Variants in PLAAT1 observed in about 807,000 individuals in gnomAD.
PLAAT1 encodes the protein phospholipase A and acyltransferase 1.
PLAAT1 carries 13 observed loss-of-function variants against 16.4 expected under a neutral mutation model. The observed-to-expected ratio is 0.79, with a 90% CI of 0.52 to 1.26. The LOEUF is 1.26. Ranked by LOEUF, PLAAT1 falls within the 50% of genes most tolerant of loss-of-function variation. PLAAT1 has a pLI of 0.00. For missense variants in PLAAT1, 218 were observed against 207.8 expected (o/e 1.05, Z -0.30); for synonymous variants, 73 against 78.4 (o/e 0.93, Z 0.36).
intron 1 of PLAAT1, among the ~76,000 whole-genome samples, chr3:193,242,067 C>G (rs1042857920): frequency 2.6e-5 from 4 of 152,006 alleles, no homozygotes; most frequent in African/African-American, 9.7e-5. Context: ...TTGAATGCCG[C>G]CCAACACAAA....
chr3:193,268,409 G>A (rs912574109), intron 3 of PLAAT1, among the ~76,000 whole-genome samples: 1 of 152,154 alleles, frequency 6.6e-6, no homozygotes, highest in African/African-American at 2.4e-5. Flanking sequence ...GTTTCATTAG[G>A]CCAGGTACAG....
downstream of PLAAT1, chr3:193,270,970 C>A: frequency 2.0e-6 from 1 of 498,472 alleles, no homozygotes; most frequent in Non-Finnish European, 2.8e-6. Flanking sequence ...AAAATCTCAT[C>A]ACATTTTATT....
At chr3:193,252,490 C>T (rs933013688) in intron 1 of PLAAT1, among the ~76,000 whole-genome samples, 11 of 152,084 alleles carry the variant, frequency 7.2e-5, no homozygotes, top group South Asian at 2.1e-4. Flanking sequence ...CAAATATTTT[C>T]GCCCACTCTG....
In PLAAT1 at chr3:193,267,663, C is replaced by T. The variant is rs141865203; in HGVS notation, c.406-2941C>T. ...GTTTTGGCAATTATGAATAAAGCCT[C>T]TATAAACCTCCATGTGCAGGTTTTT... On this transcript the variant is annotated intron_variant, in intron 3 of 3. Transcript: ENST00000264735. 4.3e-3 allele frequency among the ~76,000 whole-genome samples: 648 copies of T among 152,284 alleles called. 5 individuals carry two copies. Among genetic ancestry groups the T allele is most frequent in the Non-Finnish European group, 7.2e-3 (489 of 68,016 alleles).
At chr3:193,278,219 G>C (rs1211710887), downstream of PLAAT1, among the ~76,000 whole-genome samples, 1 of 152,164 alleles carries the variant, frequency 6.6e-6, no homozygotes, top group Non-Finnish European at 1.5e-5. Context: ...CTGGAGCTTC[G>C]TGTTTGATAA....
At chr3:193,259,352 A>G (rs1716502546) in intron 2 of PLAAT1, among the ~76,000 whole-genome samples, 1 of 152,196 alleles carries the variant, frequency 6.6e-6, no homozygotes, top group Admixed American at 6.5e-5. Flanking sequence ...TTCCTGTTCA[A>G]CATAGTACTG....
At chr3:193,274,914 T>C (rs1268627334), downstream of PLAAT1, 2 of 1,358,056 alleles carry the variant, frequency 1.5e-6, no homozygotes, top group East Asian at 2.3e-5. Flanking sequence ...GTTTAATTCA[T>C]TGAAAATATA....
chr3:193,272,030 C>T (rs1158931940), downstream of PLAAT1, among the ~76,000 whole-genome samples: 1 of 152,118 alleles, frequency 6.6e-6, no homozygotes, highest in Non-Finnish European at 1.5e-5. Context: ...TTCCACTGGT[C>T]TTCTGTGGGG....
chr3:193,241,318 G>C lies in PLAAT1; in HGVS notation c.-216G>C. ...GTCTCAGAGCCGCGGAGGGGCCGCC[G>C]GGACCGTTTCAGCGTGGCGGCGCTG... On this transcript the variant is annotated 5_prime_UTR_variant, in exon 1 of 4. Coordinates refer to ENST00000264735, the MANE Select transcript of PLAAT1 (RefSeq NM_020386.5). 1 of 1,231,202 alleles carries C rather than the reference G, an allele frequency of 8.1e-7. No individual in the cohort carries two copies. Among genetic ancestry groups the C allele is most frequent in the Non-Finnish European group, 1.0e-6 (1 of 987,616 alleles). 76.3% of individuals were successfully genotyped at this position (1,231,202 alleles called of 1,614,324 possible).
chr3:193,266,521 A>C (rs970563016), intron 3 of PLAAT1, among the ~76,000 whole-genome samples: 1 of 152,170 alleles, frequency 6.6e-6, no homozygotes, highest in African/African-American at 2.4e-5. Flanking sequence ...AAGATGATGC[A>C]GTGACAGCCT....
chr3:193,244,646 T>C (rs952097744), intron 1 of PLAAT1, among the ~76,000 whole-genome samples: 1 of 152,158 alleles, frequency 6.6e-6, no homozygotes, highest in Non-Finnish European at 1.5e-5. Flanking sequence ...GTATTTCTTA[T>C]AGTTATGGAG....
chr3:193,240,654 C>CGTGTGTGTGTGTGT (rs370008875), upstream of PLAAT1, among the ~76,000 whole-genome samples: 4,793 of 88,366 alleles, frequency 0.054, 180 homozygotes, highest in East Asian at 0.062. Flanking sequence ...GGCTATCTGG[C>CGTGTGTGTGTGTGT]GTGTGTGTGT....
At chr3:193,267,323 T>C (rs1716815350) in intron 3 of PLAAT1, among the ~76,000 whole-genome samples, 1 of 152,182 alleles carries the variant, frequency 6.6e-6, no homozygotes. Context: ...TAAATAATAA[T>C]TTTCCTGCCC....
intron 1 of PLAAT1, 134 bp from the exon 2 acceptor site, chr3:193,255,517 G>T (rs1716342244): frequency 1.3e-6 from 1 of 799,050 alleles, no homozygotes. Context: ...AAAGGACAGG[G>T]TCGTGATTCT....
downstream of PLAAT1, among the ~76,000 whole-genome samples, chr3:193,271,695 A>G (rs770567801): frequency 7.2e-5 from 11 of 152,182 alleles, no homozygotes; most frequent in Non-Finnish European, 1.5e-4. Flanking sequence ...TTATGCTATC[A>G]TCAAAAGCTT....
chr3:193,270,533 A>G lies in PLAAT1; in HGVS notation c.406-71A>G, dbSNP rs548395339. 1.3e-4 allele frequency: 192 copies of G among 1,448,246 alleles called. No individual in the cohort carries two copies. The African/African-American group carries it at 2.6e-3, about 20-fold the overall frequency. The allele number at this position is 1,448,246 out of a possible 1,614,324, so 89.7% of individuals were successfully genotyped here. ...AGGTGTTCAGTTTAGGAAACAGGCT[A>G]AAGCTTCATTTAGGACACAGATGTC... On this transcript the variant is annotated intron_variant, in intron 3 of 3. Transcript: ENST00000264735.
chr3:193,241,118 C>CAGCGGGCGGGCGGGCGGGCG (rs1340130789), upstream of PLAAT1: 1 of 849,640 alleles, frequency 1.2e-6, no homozygotes, highest in African/African-American at 2.0e-5. Flanking sequence ...TGCAGTTCCC[C>CAGCGGGCGGGCGGGCGGGCG]GGCGGGCGGG....
chr3:193,252,941 G>A (rs2108786258), intron 1 of PLAAT1, among the ~76,000 whole-genome samples: 1 of 125,356 alleles, frequency 8.0e-6, no homozygotes, highest in East Asian at 2.3e-4. Context: ...GGGGTCCCAG[G>A]AAGCCTCAAT....
At chr3:193,280,290 G>T (rs150028690), downstream of PLAAT1, among the ~76,000 whole-genome samples, 2 of 151,990 alleles carry the variant, frequency 1.3e-5, no homozygotes. Flanking sequence ...CCTGACCTGC[G>T]ATCCACCCGC....
Sources: gnomAD v4.1 joint callset for allele counts (sites outside exome capture counted in the v4.1 genomes callset) on GRCh38, gnomAD v4.1.1 for gene constraint, MANE v1.5 for transcripts, NCBI Gene and HGNC (gene_info 2026-07-23, HGNC 2026-07-21) for gene names.